The following SYT16 variants were observed in gnomAD, a reference collection of about 807,000 sequenced individuals.
SYT16 encodes synaptotagmin 16.
SYT16 carries 42 observed loss-of-function variants against 61.4 expected under a neutral mutation model. The ratio of observed to expected loss-of-function variants is 0.68; its 90% CI spans 0.53 to 0.89. The LOEUF is 0.89. Ranked by LOEUF, SYT16 falls within the 40% of genes least tolerant of loss-of-function variation. The pLI is 0.00. For synonymous variants in SYT16, 314 were observed against 302.3 expected (o/e 1.04, Z -0.40); for missense variants, 804 against 807.3 (o/e 1.00, Z 0.05).
chr14:62,009,870 G>T (rs1332580870), intron 3 of SYT16, among the ~76,000 whole-genome samples: 1 of 152,124 alleles, frequency 6.6e-6, no homozygotes. Context: ...CAATTCTGTG[G>T]TGCTTCCGAT....
At chr14:62,040,371 C>G (rs1274092213) in intron 3 of SYT16, among the ~76,000 whole-genome samples, 5 of 152,168 alleles carry the variant, frequency 3.3e-5, no homozygotes, top group Non-Finnish European at 7.3e-5. Flanking sequence ...CACATACATA[C>G]AATTGGGACA....
intron 5 of SYT16, among the ~76,000 whole-genome samples, chr14:62,078,155 C>CTCTCTCTATATATATATATATATATATA: frequency 2.2e-5 from 3 of 136,002 alleles, no homozygotes; most frequent in African/African-American, 8.6e-5. Flanking sequence ...CTCTCTCTCT[C>CTCTCTCTATATATATATATATATATATA]TATATATATA....
Position 62,104,118 on chromosome 14 carries a change from C to T in SYT16, c.*3411C>T, listed in dbSNP as rs2057471188. The T allele has an allele frequency of 6.6e-6, 1 of 152,186 alleles. No homozygotes were observed. The highest frequency in any genetic ancestry group is 2.4e-5 in the African/African-American group (1 of 41,436). 9.4% of individuals were successfully genotyped at this position (152,186 alleles called of 1,614,324 possible). ...ACTAGCATTAGGTTAAATCAAAGTG[C>T]TTCTCTGATAGCCACCAATTTGATT... On this transcript the variant is annotated 3_prime_UTR_variant, in exon 8 of 8. Coordinates refer to ENST00000683842, the MANE Select transcript of SYT16 (RefSeq NM_001367656.1).
chr14:62,072,643 C>A (rs1037442493), intron 4 of SYT16, among the ~76,000 whole-genome samples: 4 of 152,150 alleles, frequency 2.6e-5, no homozygotes, highest in Non-Finnish European at 5.9e-5. Flanking sequence ...TGATTATAGG[C>A]TTTAATCACA....
chr14:61,846,588 C>T (rs2046452658), intron 1 of SYT16, among the ~76,000 whole-genome samples: 1 of 152,130 alleles, frequency 6.6e-6, no homozygotes, highest in African/African-American at 2.4e-5. Context: ...CAACAGATCA[C>T]TGGGTCTTGC....
At chr14:61,867,680 A>G (rs1566638508) in intron 1 of SYT16, among the ~76,000 whole-genome samples, 1 of 152,126 alleles carries the variant, frequency 6.6e-6, no homozygotes, top group South Asian at 2.1e-4. Context: ...AGCATAAGAA[A>G]TATGACAGAC....
intron 3 of SYT16, among the ~76,000 whole-genome samples, chr14:62,050,306 A>G (rs534351169): frequency 9.9e-4 from 151 of 152,226 alleles, no homozygotes; most frequent in African/African-American, 3.1e-3. Context: ...TTCTCGTGCC[A>G]TGGTTTTCAG....
chr14:61,907,652 T>G (rs2048774699), intron 1 of SYT16, among the ~76,000 whole-genome samples: 1 of 152,176 alleles, frequency 6.6e-6, no homozygotes, highest in African/African-American at 2.4e-5. Context: ...GAGTGTGGGA[T>G]CCAGAAGAGA....
chr14:62,075,274 G>C lies in SYT16; in HGVS notation c.876G>C (p.Val292=). The C allele has an allele frequency of 6.2e-7, 1 of 1,613,912 alleles. No homozygotes were observed. ...GCACATCTCACCAAGAGTCCAGTGT[G>C]GTCCAAAGCCTCAGGCGCCAATCCA... The part of the protein sequence containing the change: ...HHGTSHQESS[V]VQSLRRQSTE... Residue 292 remains valine (V), a synonymous_variant, in exon 5 of 8, where the codon GTG becomes GTC. Coordinates refer to ENST00000683842, the MANE Select transcript of SYT16 (RefSeq NM_001367656.1).
intron 3 of SYT16, among the ~76,000 whole-genome samples, chr14:62,012,245 C>G (rs1370592660): frequency 6.6e-6 from 1 of 152,104 alleles, no homozygotes; most frequent in East Asian, 1.9e-4. Context: ...GGAAGTTTGA[C>G]TGGGGAAAAG....
chr14:62,059,112 C>T (rs1043627437), intron 3 of SYT16, among the ~76,000 whole-genome samples: 2 of 152,090 alleles, frequency 1.3e-5, no homozygotes, highest in Admixed American at 1.3e-4. Context: ...GGAAAAATAA[C>T]TAATGGGTAC....
At chr14:61,829,104 T>C (rs2045858873) in intron 1 of SYT16, among the ~76,000 whole-genome samples, 1 of 152,234 alleles carries the variant, frequency 6.6e-6, no homozygotes, top group Non-Finnish European at 1.5e-5. Flanking sequence ...TATTTCCTCA[T>C]TTTTATAATA....
chr14:61,965,220 C>T (rs1284524224), intron 1 of SYT16, among the ~76,000 whole-genome samples: 6 of 152,108 alleles, frequency 3.9e-5, no homozygotes, highest in Non-Finnish European at 1.5e-5. Flanking sequence ...CCTGATTAGG[C>T]AATCCTATAA....
intron 5 of SYT16, among the ~76,000 whole-genome samples, chr14:62,078,172 AACACAC>A (rs144022896): frequency 5.4e-5 from 7 of 128,850 alleles, no homozygotes; most frequent in East Asian, 2.1e-4. Context: ...TATATATATA[AACACAC>A]ACACACACAC....
intron 3 of SYT16, among the ~76,000 whole-genome samples, chr14:62,035,676 T>G (rs2054478992): frequency 6.6e-6 from 1 of 152,190 alleles, no homozygotes; most frequent in African/African-American, 2.4e-5. Flanking sequence ...AAAGACACTT[T>G]CCTATAAAAG....
chr14:61,956,879 A>C (rs972118617), intron 1 of SYT16, among the ~76,000 whole-genome samples: 1 of 151,938 alleles, frequency 6.6e-6, no homozygotes, highest in East Asian at 1.9e-4. Flanking sequence ...CATTAAATCT[A>C]TAGATTTTTT....
intron 1 of SYT16, among the ~76,000 whole-genome samples, chr14:61,864,582 G>C (rs2047074242): frequency 1.3e-5 from 2 of 152,284 alleles, no homozygotes; most frequent in African/African-American, 4.8e-5. Context: ...GGCACTGGCT[G>C]CACAGGCCAA....
At chr14:61,979,961 A>G (rs1300785421) in intron 2 of SYT16, among the ~76,000 whole-genome samples, 1 of 152,220 alleles carries the variant, frequency 6.6e-6, no homozygotes, top group Non-Finnish European at 1.5e-5. Context: ...TAAGTTTTCA[A>G]TCCCCAATTG....
At chr14:62,049,969 A>C (rs58810448) in intron 3 of SYT16, among the ~76,000 whole-genome samples, 3 of 152,026 alleles carry the variant, frequency 2.0e-5, no homozygotes, top group African/African-American at 7.2e-5. Context: ...CTCTTCTCAA[A>C]GAGTATCTTT....
Sources: allele counts gnomAD v4.1 joint callset (sites outside exome capture counted in the v4.1 genomes callset), GRCh38; gene constraint gnomAD v4.1.1; transcripts MANE v1.5; gene names NCBI Gene and HGNC (gene_info 2026-07-23, HGNC 2026-07-21).